Variants in CTNNBL1 observed in about 807,000 individuals in gnomAD.
The protein encoded by CTNNBL1 is beta-catenin-like protein 1.
Under a neutral mutation model 72.7 loss-of-function variants are expected in CTNNBL1, and 31 were observed. That is an observed-to-expected ratio of 0.43 (90% CI 0.32 to 0.58). The LOEUF (loss-of-function observed/expected upper bound fraction) is 0.58. Ranked by LOEUF, CTNNBL1 falls within the 20% of genes least tolerant of loss-of-function variation. The pLI is 0.08. For synonymous variants in CTNNBL1, 240 were observed against 267.3 expected, an observed-to-expected ratio of 0.90 and a Z score of 1.00; for missense variants, 534 against 725.1, an observed-to-expected ratio of 0.74 and a Z score of 3.03.
chr20:37,769,113 G>GA (rs1568771921), intron 7 of CTNNBL1, among the ~76,000 whole-genome samples: 1 of 152,038 alleles, frequency 6.6e-6, no homozygotes, highest in Admixed American at 6.6e-5. Flanking sequence ...ACATATATAG[G>GA]AAAAAAACAT....
At chr20:37,795,752 T>G (rs1276818214) in intron 10 of CTNNBL1, among the ~76,000 whole-genome samples, 1 of 152,222 alleles carries the variant, frequency 6.6e-6, no homozygotes, top group Non-Finnish European at 1.5e-5. Context: ...TAATTATGCT[T>G]TTACTGTCTT....
chr20:37,795,993 T>C (rs73904772), intron 10 of CTNNBL1, among the ~76,000 whole-genome samples: 1,548 of 152,236 alleles, frequency 0.01, 20 homozygotes, highest in African/African-American at 0.036. Context: ...AGTTTGGTCC[T>C]TTTGAGACTT....
chr20:37,736,110 C>T (rs2073169304), intron 2 of CTNNBL1, among the ~76,000 whole-genome samples: 2 of 152,152 alleles, frequency 1.3e-5, no homozygotes, highest in Non-Finnish European at 2.9e-5. Context: ...GTACAGTCTA[C>T]TAGCTTTTTT....
chr20:37,722,942 G>A (rs6125989), intron 1 of CTNNBL1, among the ~76,000 whole-genome samples: 6 of 152,174 alleles, frequency 3.9e-5, no homozygotes, highest in Admixed American at 3.9e-4. Context: ...GAATGGATGC[G>A]GATGGTTCTG....
intron 9 of CTNNBL1, 133 bp downstream of exon 9, chr20:37,777,845 G>A (rs1228849971): frequency 8.1e-6 from 7 of 868,340 alleles, no homozygotes; most frequent in Non-Finnish European, 9.6e-6. Context: ...AGGTTTGAGG[G>A]TTATACGGAG....
intron 10 of CTNNBL1, among the ~76,000 whole-genome samples, chr20:37,788,170 AG>A (rs1413614481): frequency 1.3e-5 from 2 of 152,272 alleles, no homozygotes; most frequent in East Asian, 3.9e-4. Flanking sequence ...GTTGGGTGCT[AG>A]CATCCTTTGC....
chr20:37,789,588 C>A (rs1600489207), intron 10 of CTNNBL1, among the ~76,000 whole-genome samples: 1 of 152,174 alleles, frequency 6.6e-6, no homozygotes, highest in East Asian at 1.9e-4. Context: ...CCCTCATTGT[C>A]CCTGGAGGGA....
intron 15 of CTNNBL1, among the ~76,000 whole-genome samples, chr20:37,868,515 T>C (rs1014718780): frequency 3.3e-5 from 5 of 152,154 alleles, no homozygotes; most frequent in Admixed American, 3.3e-4. Flanking sequence ...TCCACTCCGC[T>C]CTGTATGGGA....
chr20:37,864,484 C>G (rs191808273), intron 15 of CTNNBL1, among the ~76,000 whole-genome samples: 2 of 152,268 alleles, frequency 1.3e-5, no homozygotes, highest in East Asian at 1.9e-4. Context: ...TCAGCCCCCA[C>G]TCTCACAATT....
intron 10 of CTNNBL1, among the ~76,000 whole-genome samples, chr20:37,781,736 C>T (rs2073627581): frequency 6.6e-6 from 1 of 152,082 alleles, no homozygotes. Context: ...GGCTCTTTGT[C>T]TAGAGAGAGC....
At chr20:37,855,967 C>A (rs1012494771) in intron 13 of CTNNBL1, among the ~76,000 whole-genome samples, 1 of 151,292 alleles carries the variant, frequency 6.6e-6, no homozygotes, top group Non-Finnish European at 1.5e-5. Context: ...CTGGGCACAG[C>A]GCCTCATGCC....
intron 1 of CTNNBL1, among the ~76,000 whole-genome samples, chr20:37,722,369 G>A (rs2073047981): frequency 6.6e-6 from 1 of 152,110 alleles, no homozygotes; most frequent in African/African-American, 2.4e-5. Flanking sequence ...AGCCACTTGG[G>A]AGGCTGAGGC....
At chr20:37,857,370 G>A (rs921183534) in intron 13 of CTNNBL1, among the ~76,000 whole-genome samples, 3 of 152,176 alleles carry the variant, frequency 2.0e-5, no homozygotes, top group African/African-American at 7.2e-5. Flanking sequence ...AGAGGGTTCA[G>A]GTTTTGTCAG....
At chr20:37,860,478 CTGTG>C in intron 15 of CTNNBL1, 134 bp downstream of exon 15, 1 of 728,184 alleles carries the variant, frequency 1.4e-6, no homozygotes, top group Non-Finnish European at 2.4e-6. Flanking sequence ...GTCCATTTCA[CTGTG>C]TGTCCAGGTC....
chr20:37,760,551 G>T (rs149072945), intron 5 of CTNNBL1, among the ~76,000 whole-genome samples: 1 of 152,208 alleles, frequency 6.6e-6, no homozygotes, highest in Non-Finnish European at 1.5e-5. Context: ...TGTGATCCCC[G>T]TCAGGGGAGT....
chr20:37,712,531 A>G (rs879325001), intron 1 of CTNNBL1, among the ~76,000 whole-genome samples: 3 of 152,194 alleles, frequency 2.0e-5, no homozygotes, highest in Non-Finnish European at 4.4e-5. Context: ...ATCTTTTTCA[A>G]TTGGCTTATG....
intron 10 of CTNNBL1, among the ~76,000 whole-genome samples, chr20:37,779,602 T>G (rs1031945449): frequency 6.6e-6 from 1 of 152,146 alleles, no homozygotes; most frequent in Non-Finnish European, 1.5e-5. Context: ...TGAAGGACAT[T>G]GGTGTTTTTC....
At chr20:37,805,147 C>T (rs1192026384) in intron 11 of CTNNBL1, among the ~76,000 whole-genome samples, 1 of 152,230 alleles carries the variant, frequency 6.6e-6, no homozygotes, top group Non-Finnish European at 1.5e-5. Context: ...GTTTCTTTGT[C>T]CTGTCCTCTG....
At chr20:37,764,378 T>C (rs950240511) in intron 5 of CTNNBL1, among the ~76,000 whole-genome samples, 10 of 152,206 alleles carry the variant, frequency 6.6e-5, no homozygotes, top group Non-Finnish European at 1.3e-4. Context: ...GCAGTCTCCT[T>C]AGAACACAGA....
Sources: gnomAD v4.1 joint callset for allele counts (sites outside exome capture counted in the v4.1 genomes callset) on GRCh38, gnomAD v4.1.1 for gene constraint, MANE v1.5 for transcripts, NCBI Gene and HGNC (gene_info 2026-07-23, HGNC 2026-07-21) for gene names.